The following SLC30A8 variants were observed in gnomAD, a reference collection of about 807,000 sequenced individuals.
SLC30A8 encodes solute carrier family 30 member 8.
In SLC30A8, 27 loss-of-function variants were observed where a neutral mutation model predicts 36.9. The observed-to-expected ratio is 0.73, with a 90% CI of 0.54 to 1.01. SLC30A8 has a LOEUF of 1.01. Among genes scored for constraint, SLC30A8 ranks in the 50% least tolerant of loss-of-function variants. SLC30A8 has a pLI of 0.00. For missense variants in SLC30A8, 439 were observed against 452.0 expected (o/e 0.97, Z 0.26); for synonymous variants, 164 against 172.4 (o/e 0.95, Z 0.38).
chr8:117,023,155 TA>T (rs1249551116), intron 1 of SLC30A8, among the ~76,000 whole-genome samples: 1 of 151,936 alleles, frequency 6.6e-6, no homozygotes, highest in Non-Finnish European at 1.5e-5. Context: ...GAAATGCAAA[TA>T]AAAACCACAA....
At chr8:117,065,120 G>A (rs1042862764) in intron 2 of SLC30A8, among the ~76,000 whole-genome samples, 1 of 151,998 alleles carries the variant, frequency 6.6e-6, no homozygotes, top group Non-Finnish European at 1.5e-5. Context: ...GTGTCTCCCA[G>A]AAAGTTATCT....
intron 1 of SLC30A8, among the ~76,000 whole-genome samples, chr8:116,990,434 C>A (rs1305651808): frequency 6.6e-6 from 1 of 152,168 alleles, no homozygotes; most frequent in African/African-American, 2.4e-5. Flanking sequence ...GTAGCCTCTT[C>A]ACCTTGTTGT....
At chr8:116,975,303 G>GCC (rs1563730261) in intron 1 of SLC30A8, among the ~76,000 whole-genome samples, 6 of 152,154 alleles carry the variant, frequency 3.9e-5, no homozygotes, top group African/African-American at 7.2e-5. Flanking sequence ...TTAGCTCTGG[G>GCC]ATAGTATAAA....
intron 1 of SLC30A8, among the ~76,000 whole-genome samples, chr8:117,020,045 A>C (rs1435172207): frequency 6.6e-6 from 1 of 152,168 alleles, no homozygotes; most frequent in African/African-American, 2.4e-5. Flanking sequence ...AGGATGATAG[A>C]ACGCAATTGC....
intron 5 of SLC30A8, 66 bp downstream of exon 5, chr8:117,161,954 C>A: frequency 7.1e-7 from 1 of 1,412,012 alleles, no homozygotes; most frequent in Non-Finnish European, 9.7e-7. Context: ...GCTGACCCTC[C>A]AACATTAACT....
At chr8:117,102,366 T>C (rs1360265519) in intron 2 of SLC30A8, among the ~76,000 whole-genome samples, 1 of 152,192 alleles carries the variant, frequency 6.6e-6, no homozygotes, top group African/African-American at 2.4e-5. Flanking sequence ...AAATTTATAT[T>C]ACATAATTCT....
At chr8:116,960,853 T>C (rs1814391205) in intron 1 of SLC30A8, among the ~76,000 whole-genome samples, 1 of 152,208 alleles carries the variant, frequency 6.6e-6, no homozygotes, top group Admixed American at 6.5e-5. Context: ...ATCTCCTCTT[T>C]AATTTTCATC....
rs779044998 is a variant in SLC30A8 at position 117,097,418 on chromosome 8, AATAT to A, written c.-225-37856_-225-37853del. Among the ~76,000 whole-genome samples, 11 of 89,226 alleles carry A rather than the reference AATAT, an allele frequency of 1.2e-4. 1 individual carries two copies. Among genetic ancestry groups the A allele is most frequent in the Admixed American group, 1.5e-4 (1 of 6,536 alleles). 58.5% of individuals were successfully genotyped at this position (89,226 alleles called of 152,430 possible). A position where few individuals can be genotyped will look rare whatever the true frequency, so the allele number is the denominator to read the frequency against. ...TCTCAAAAAAAAAAAAAAAAAAAAA[AATAT>A]ATATAAATATATATAATTATATATT... On this transcript the variant is annotated intron_variant, in intron 2 of 10. Coordinates refer to the SLC30A8 transcript ENST00000427715.
At chr8:117,122,132 T>C (rs1277522943) in intron 2 of SLC30A8, among the ~76,000 whole-genome samples, 1 of 151,978 alleles carries the variant, frequency 6.6e-6, no homozygotes, top group Non-Finnish European at 1.5e-5. Context: ...TACTAATTAG[T>C]AACTGAGGCT....
chr8:117,002,550 A>G (rs1446801873), intron 1 of SLC30A8, among the ~76,000 whole-genome samples: 1 of 152,118 alleles, frequency 6.6e-6, no homozygotes, highest in African/African-American at 2.4e-5. Flanking sequence ...TAAAAATGTG[A>G]TTTATAATGA....
chr8:117,103,474 A>G (rs966638786), intron 2 of SLC30A8, among the ~76,000 whole-genome samples: 1 of 136,004 alleles, frequency 7.4e-6, no homozygotes, highest in African/African-American at 3.1e-5. Flanking sequence ...TAAGGGTAAC[A>G]TACTTTGTTT....
intron 7 of SLC30A8, among the ~76,000 whole-genome samples, chr8:117,171,851 GA>G (rs1823402195): frequency 1.3e-5 from 2 of 152,236 alleles, no homozygotes; most frequent in East Asian, 1.9e-4. Context: ...ATGACTCAAG[GA>G]GTTACTTAGG....
chr8:116,984,626 T>G (rs1414414369), intron 1 of SLC30A8, among the ~76,000 whole-genome samples: 1 of 152,312 alleles, frequency 6.6e-6, no homozygotes, highest in African/African-American at 2.4e-5. Context: ...TATATTTTGC[T>G]CACTTTCTAA....
intron 2 of SLC30A8, among the ~76,000 whole-genome samples, chr8:117,117,022 C>A (rs1248424324): frequency 6.6e-6 from 1 of 151,790 alleles, no homozygotes; most frequent in African/African-American, 2.4e-5. Flanking sequence ...ATGCTGTAGC[C>A]CTCCAGAAAT....
At chr8:117,089,904 C>T (rs1819034199) in intron 2 of SLC30A8, among the ~76,000 whole-genome samples, 1 of 152,182 alleles carries the variant, frequency 6.6e-6, no homozygotes, top group African/African-American at 2.4e-5. Flanking sequence ...TTTTCCTGGA[C>T]ATGCCTTGCT....
chr8:117,167,328 A>G (rs1047259028), intron 6 of SLC30A8, among the ~76,000 whole-genome samples: 6 of 152,162 alleles, frequency 3.9e-5, no homozygotes, highest in African/African-American at 1.4e-4. Context: ...TTAGTATAGT[A>G]CTTAGTAAAA....
At chr8:117,132,212 G>T (rs1322651103), upstream of SLC30A8, among the ~76,000 whole-genome samples, 1 of 151,976 alleles carries the variant, frequency 6.6e-6, no homozygotes, top group Non-Finnish European at 1.5e-5. Flanking sequence ...AATGATGGTA[G>T]CTTTTTATAA....
intron 2 of SLC30A8, among the ~76,000 whole-genome samples, chr8:117,095,950 A>G (rs1819340754): frequency 6.6e-6 from 1 of 152,166 alleles, no homozygotes; most frequent in Admixed American, 6.5e-5. Context: ...GAGTTCAGGG[A>G]AATTTTTCCT....
intron 1 of SLC30A8, among the ~76,000 whole-genome samples, chr8:116,993,124 C>T (rs1179894980): frequency 3.3e-5 from 5 of 152,112 alleles, no homozygotes; most frequent in Non-Finnish European, 1.5e-5. Context: ...CCCAAACTAC[C>T]TAGTCACAGG....
Sources: allele counts gnomAD v4.1 joint callset (sites outside exome capture counted in the v4.1 genomes callset), GRCh38; gene constraint gnomAD v4.1.1; transcripts MANE v1.5; gene names NCBI Gene and HGNC (gene_info 2026-07-23, HGNC 2026-07-21).